The following ELP4 variants were observed in gnomAD, a reference collection of about 807,000 sequenced individuals.
ELP4 encodes the protein elongator acetyltransferase complex subunit 4, also known as elongator complex protein 4.
ELP4 carries 51 observed loss-of-function variants against 48.9 expected under a neutral mutation model. That is an observed-to-expected ratio of 1.04 (90% CI 0.83 to 1.32). The LOEUF (loss-of-function observed/expected upper bound fraction) is 1.32. Among genes scored for constraint, ELP4 ranks in the 40% most tolerant of loss-of-function variants. The pLI is 0.00. For missense variants in ELP4, 519 were observed against 514.6 expected (o/e 1.01, Z -0.08); for synonymous variants, 210 against 189.2 (o/e 1.11, Z -0.90).
intron 3 of ELP4, among the ~76,000 whole-genome samples, chr11:31,584,937 T>C (rs1279269755): frequency 3.3e-5 from 5 of 152,206 alleles, no homozygotes; most frequent in African/African-American, 7.2e-5. Context: ...AGTTCCCTTA[T>C]GGTACTGTAA....
intron 9 of ELP4, among the ~76,000 whole-genome samples, chr11:31,655,670 C>A (rs924130154): frequency 6.6e-6 from 1 of 152,016 alleles, no homozygotes. Flanking sequence ...ACGACACAAT[C>A]ATGCGGTATT....
intron 9 of ELP4, among the ~76,000 whole-genome samples, chr11:31,776,704 T>C (rs904444323): frequency 1.3e-5 from 2 of 152,226 alleles, no homozygotes; most frequent in Non-Finnish European, 2.9e-5. Flanking sequence ...GGACAGCCAA[T>C]GTGCAGTGTT....
intron 9 of ELP4, among the ~76,000 whole-genome samples, chr11:31,716,291 G>A (rs1946840862): frequency 6.6e-6 from 1 of 152,132 alleles, no homozygotes; most frequent in Non-Finnish European, 1.5e-5. Flanking sequence ...GGGATTGCAG[G>A]CACAAGCCAC....
At chr11:31,564,503 A>G (rs553994957) in intron 3 of ELP4, among the ~76,000 whole-genome samples, 1 of 151,972 alleles carries the variant, frequency 6.6e-6, no homozygotes, top group South Asian at 2.1e-4. Context: ...TACATTAGGT[A>G]TATCTCCTAA....
intron 9 of ELP4, among the ~76,000 whole-genome samples, chr11:31,678,398 G>A (rs147867938): frequency 0.011 from 1,727 of 152,196 alleles, 72 homozygotes; most frequent in Admixed American, 0.086. Flanking sequence ...GCAGAGAACC[G>A]TGGTCGCACA....
At chr11:31,553,648 T>C (rs1349414474) in intron 3 of ELP4, among the ~76,000 whole-genome samples, 2 of 151,784 alleles carry the variant, frequency 1.3e-5, no homozygotes, top group Non-Finnish European at 2.9e-5. Context: ...TGCCAACTTA[T>C]CCTGCAGGTC....
intron 3 of ELP4, among the ~76,000 whole-genome samples, chr11:31,574,651 C>T (rs553690826): frequency 6.6e-6 from 1 of 152,326 alleles, no homozygotes; most frequent in African/African-American, 2.4e-5. Flanking sequence ...ACAGCCTCCA[C>T]TGGTGATACT....
At chr11:31,602,083 T>C (rs537094647) in intron 4 of ELP4, among the ~76,000 whole-genome samples, 5 of 152,194 alleles carry the variant, frequency 3.3e-5, no homozygotes, top group East Asian at 1.9e-4. Flanking sequence ...CTAAATTCTA[T>C]TGGGCCTGAG....
intron 9 of ELP4, among the ~76,000 whole-genome samples, chr11:31,762,921 A>G (rs1947973632): frequency 6.6e-6 from 1 of 151,870 alleles, no homozygotes; most frequent in Non-Finnish European, 1.5e-5. Context: ...CTTGAATATT[A>G]TATATAGGAA....
chr11:31,680,760 A>G (rs1946036156), intron 9 of ELP4, among the ~76,000 whole-genome samples: 1 of 152,248 alleles, frequency 6.6e-6, no homozygotes, highest in South Asian at 2.1e-4. Context: ...AGATGAACCT[A>G]CATCATGAAA....
intron 3 of ELP4, among the ~76,000 whole-genome samples, chr11:31,593,237 T>TGTTGTTGTTGTC (rs1238264094): frequency 8.1e-5 from 2 of 24,702 alleles, no homozygotes; most frequent in East Asian, 3.5e-3. Flanking sequence ...CTGTTGTTGT[T>TGTTGTTGTTGTC]GTTGTTGTTG....
intron 9 of ELP4, among the ~76,000 whole-genome samples, chr11:31,749,642 C>G (rs1947673621): frequency 6.6e-6 from 1 of 151,886 alleles, no homozygotes; most frequent in Non-Finnish European, 1.5e-5. Context: ...TAAACTAAGT[C>G]TCTGTGGAGT....
intron 9 of ELP4, among the ~76,000 whole-genome samples, chr11:31,689,864 T>C (rs147983824): frequency 1.8e-4 from 28 of 152,200 alleles, no homozygotes; most frequent in Non-Finnish European, 3.1e-4. Context: ...GTGGTGGTGG[T>C]GGTGGTTTTT....
intron 1 of ELP4, among the ~76,000 whole-genome samples, chr11:31,518,952 T>C (rs1383695368): frequency 1.3e-5 from 2 of 151,144 alleles, no homozygotes; most frequent in Non-Finnish European, 1.5e-5. Context: ...GCTGGGATTA[T>C]AGGCATGCAC....
chr11:31,561,753 C>G (rs527649669), intron 3 of ELP4, among the ~76,000 whole-genome samples: 27 of 151,998 alleles, frequency 1.8e-4, no homozygotes, highest in Non-Finnish European at 3.5e-4. Flanking sequence ...CTGAAGAGCA[C>G]ATTTTAAAAT....
intron 9 of ELP4, among the ~76,000 whole-genome samples, chr11:31,747,075 GA>G (rs1348366672): frequency 6.6e-6 from 1 of 151,922 alleles, no homozygotes; most frequent in East Asian, 1.9e-4. Context: ...CTGTGTCACT[GA>G]CTGTGCAAGC....
In ELP4 at chr11:31,690,932, T is replaced by A. The variant is rs16922401; in HGVS notation, c.1143+40711T>A. On this transcript the variant is annotated intron_variant, in intron 9 of 9. Coordinates refer to ENST00000640961, the MANE Select transcript of ELP4 (RefSeq NM_019040.5). ...GTCAGTTTAGAAACAATTTTATACT[T>A]CCCCAAATTTCCTACATTAAGACTT... is the stretch of plus-strand genomic sequence containing the variant. 4.0e-3 allele frequency among the ~76,000 whole-genome samples: 605 copies of A among 151,944 alleles called. 8 individuals are homozygous for A. Among genetic ancestry groups the A allele is most frequent in the African/African-American group, 0.014 (581 of 41,504 alleles).
At chr11:31,741,677 C>G (rs944629100) in intron 9 of ELP4, among the ~76,000 whole-genome samples, 1 of 152,202 alleles carries the variant, frequency 6.6e-6, no homozygotes, top group Non-Finnish European at 1.5e-5. Flanking sequence ...AGACCTACAG[C>G]TGAGGGTCCT....
chr11:31,778,087 G>A (rs1429153372), intron 9 of ELP4, among the ~76,000 whole-genome samples: 1 of 152,206 alleles, frequency 6.6e-6, no homozygotes, highest in African/African-American at 2.4e-5. Flanking sequence ...GAGTGGGAAA[G>A]CTTCATCTTC....
Sources: allele counts gnomAD v4.1 joint callset (sites outside exome capture counted in the v4.1 genomes callset), GRCh38; gene constraint gnomAD v4.1.1; transcripts MANE v1.5; gene names NCBI Gene and HGNC (gene_info 2026-07-23, HGNC 2026-07-21).